ARB2A: variants seen among roughly 807,000 people sequenced by gnomAD.
ARB2A encodes cotranscriptional regulator ARB2A.
chr5:94,036,396 T>C, the ARB2A span, among the ~76,000 whole-genome samples: 6 of 152,208 alleles, frequency 3.9e-5, no homozygotes, highest in Non-Finnish European at 5.9e-5. Flanking sequence ...AACAAATATA[T>C]GTATTTATTT....
the ARB2A span, among the ~76,000 whole-genome samples, chr5:93,768,869 C>A: frequency 1.3e-5 from 2 of 152,018 alleles, no homozygotes; most frequent in Non-Finnish European, 2.9e-5. Context: ...CAGGTATGAG[C>A]CACTATGCTT....
At chr5:93,770,391 T>G in the ARB2A span, among the ~76,000 whole-genome samples, 15 of 152,262 alleles carry the variant, frequency 9.9e-5, no homozygotes, top group East Asian at 1.9e-3. Flanking sequence ...CTTTGAAAAC[T>G]GGCACAAGAC....
the ARB2A span, chr5:93,737,773 T>C: frequency 3.0e-6 from 1 of 332,894 alleles, no homozygotes; most frequent in East Asian, 9.0e-5. Flanking sequence ...CTGGGAAAAC[T>C]GGCTATCCAC....
the ARB2A span, among the ~76,000 whole-genome samples, chr5:93,728,422 G>A: frequency 6.6e-6 from 1 of 152,032 alleles, no homozygotes; most frequent in South Asian, 2.1e-4. Context: ...TTTTGCAAAT[G>A]AAGGCAAGAA....
the ARB2A span, among the ~76,000 whole-genome samples, chr5:93,765,331 G>A: frequency 1.3e-4 from 20 of 152,228 alleles, no homozygotes; most frequent in South Asian, 4.1e-4. Context: ...TAAGCTGATA[G>A]GCAACTTCAG....
the ARB2A span, chr5:93,741,096 C>G: frequency 3.1e-6 from 5 of 1,613,728 alleles, no homozygotes; most frequent in Non-Finnish European, 4.2e-6. Context: ...TAAGCACCTT[C>G]CCAAACAGAG....
At chr5:93,709,632 CAAA>C in the ARB2A span, among the ~76,000 whole-genome samples, 148 of 41,630 alleles carry the variant, frequency 3.6e-3, no homozygotes, top group African/African-American at 0.011. Flanking sequence ...GACTCTGTCA[CAAA>C]AAAAAAAAAA....
the ARB2A span, among the ~76,000 whole-genome samples, chr5:94,072,573 C>T: frequency 6.6e-6 from 1 of 151,954 alleles, no homozygotes; most frequent in South Asian, 2.1e-4. Context: ...AAAATGCAGG[C>T]ATTTTTGAAG....
the ARB2A span, among the ~76,000 whole-genome samples, chr5:93,749,756 T>C: frequency 1.3e-5 from 2 of 152,124 alleles, no homozygotes; most frequent in Non-Finnish European, 2.9e-5. Flanking sequence ...ATATACTTGT[T>C]TGTAATATCT....
chr5:93,703,020 C>G, the ARB2A span, among the ~76,000 whole-genome samples: 1 of 152,138 alleles, frequency 6.6e-6, no homozygotes, highest in Admixed American at 6.6e-5. Context: ...CATTTATCAG[C>G]TGCTTATTTC....
At chr5:94,097,430 T>C in the ARB2A span, among the ~76,000 whole-genome samples, 1 of 152,206 alleles carries the variant, frequency 6.6e-6, no homozygotes, top group Non-Finnish European at 1.5e-5. Context: ...CATCTTGAAT[T>C]CCCATGTGTT....
the ARB2A span, among the ~76,000 whole-genome samples, chr5:93,955,423 A>C: frequency 6.6e-6 from 1 of 152,220 alleles, no homozygotes; most frequent in Non-Finnish European, 1.5e-5. Context: ...AATAGCATTA[A>C]TTTTTAAAAC....
At chr5:93,933,914 G>A in the ARB2A span, among the ~76,000 whole-genome samples, 1 of 152,164 alleles carries the variant, frequency 6.6e-6, no homozygotes, top group African/African-American at 2.4e-5. Context: ...GCTGATGCAG[G>A]AGAATCACTT....
At chr5:93,854,223 A>T in the ARB2A span, among the ~76,000 whole-genome samples, 1 of 152,160 alleles carries the variant, frequency 6.6e-6, no homozygotes, top group African/African-American at 2.4e-5. Flanking sequence ...CATTTCTTCT[A>T]GATTTTCTAG....
At chr5:94,085,291 A>G in the ARB2A span, among the ~76,000 whole-genome samples, 1 of 152,228 alleles carries the variant, frequency 6.6e-6, no homozygotes, top group Non-Finnish European at 1.5e-5. Flanking sequence ...AAGCAACAAT[A>G]AATATTTGTA....
chr5:93,852,004 T>C, the ARB2A span, among the ~76,000 whole-genome samples: 5 of 152,194 alleles, frequency 3.3e-5, no homozygotes, highest in South Asian at 2.1e-4. Context: ...GTATTTCTAG[T>C]TCTAGATCCC....
the ARB2A span, among the ~76,000 whole-genome samples, chr5:93,988,410 A>C: frequency 6.6e-6 from 1 of 152,214 alleles, no homozygotes; most frequent in Admixed American, 6.5e-5. Context: ...ATATTCTCAG[A>C]AGTGGCAGGA....
At chr5:93,794,067 T>A in the ARB2A span, among the ~76,000 whole-genome samples, 1 of 152,158 alleles carries the variant, frequency 6.6e-6, no homozygotes, top group African/African-American at 2.4e-5. Flanking sequence ...AACTGAGTAG[T>A]GCATCACAGT....
the ARB2A span, among the ~76,000 whole-genome samples, chr5:93,698,827 A>C: frequency 1.3e-5 from 2 of 152,340 alleles, no homozygotes; most frequent in African/African-American, 4.8e-5. Context: ...GTCCTCATGA[A>C]GCTTACAGTT....
Sources: gnomAD v4.1 joint callset for allele counts (sites outside exome capture counted in the v4.1 genomes callset) on GRCh38, gnomAD v4.1.1 for gene constraint, MANE v1.5 for transcripts, NCBI Gene and HGNC (gene_info 2026-07-23, HGNC 2026-07-21) for gene names.